The following TRIM49 variants were observed in gnomAD, a reference collection of about 807,000 sequenced individuals.
The protein encoded by TRIM49 is tripartite motif-containing protein 49.
A neutral mutation model predicts 27.4 loss-of-function variants in TRIM49; 5 were observed. The ratio of observed to expected loss-of-function variants is 0.18; its 90% CI spans 0.10 to 0.38. TRIM49 has a LOEUF of 0.38. Among genes scored for constraint, TRIM49 ranks in the 10% least tolerant of loss-of-function variants. TRIM49 has a pLI of 1.00. For synonymous variants in TRIM49, 69 were observed against 166.0 expected (o/e 0.42, Z 4.49); for missense variants, 188 against 487.5 (o/e 0.39, Z 5.79).
At chr11:89,793,951 C>G (rs868356443), downstream of TRIM49, among the ~76,000 whole-genome samples, 2 of 150,380 alleles carry the variant, frequency 1.3e-5, no homozygotes, top group African/African-American at 4.9e-5. Flanking sequence ...TCAAATTGTC[C>G]CTGTTTGCAG....
the TRIM49 span, among the ~76,000 whole-genome samples, chr11:89,772,127 T>C: frequency 2.9e-5 from 4 of 135,820 alleles, 1 homozygote; most frequent in Admixed American, 2.8e-4. Context: ...AAAACCCTTA[T>C]AATGATCCAC....
At chr11:89,777,146 G>C in the TRIM49 span, 18 of 1,550,592 alleles carry the variant, frequency 1.2e-5, 1 homozygote, top group African/African-American at 2.3e-4. Context: ...CCTTCGTGCA[G>C]AAAAACCTCA....
the TRIM49 span, chr11:89,766,760 C>A: frequency 7.1e-7 from 1 of 1,418,172 alleles, no homozygotes; most frequent in East Asian, 2.5e-5. Context: ...AGTGAGGAAA[C>A]ATTGGGGAGG....
In TRIM49 at chr11:89,802,610, T is replaced by C. The variant is rs532662564; in HGVS notation, c.508-678A>G. 6.6e-5 allele frequency among the ~76,000 whole-genome samples: 10 copies of C among 150,622 alleles called. 1 individual carries two copies. The highest frequency in any genetic ancestry group is 6.3e-4 in the South Asian group (3 of 4,756). The stretch of plus-strand genomic sequence containing the variant: ...ACATACATACATACATACATACATA[T>C]ATACACACAACCACACACACATACA... On this transcript the variant is annotated intron_variant, in intron 4 of 7. Transcript: ENST00000329758.
At chr11:89,766,492 G>A in the TRIM49 span, 1 of 475,344 alleles carries the variant, frequency 2.1e-6, no homozygotes, top group Non-Finnish European at 3.5e-6. Context: ...TGACACTAAA[G>A]TAGAAAAAAG....
At chr11:89,796,318 G>A (rs1426325784), downstream of TRIM49, among the ~76,000 whole-genome samples, 1 of 150,080 alleles carries the variant, frequency 6.7e-6, no homozygotes, top group East Asian at 2.0e-4. Flanking sequence ...CTGCAGCCTG[G>A]ACCTTCTGGG....
chr11:89,792,568 C>A, the TRIM49 span, among the ~76,000 whole-genome samples: 1 of 152,128 alleles, frequency 6.6e-6, no homozygotes, highest in Non-Finnish European at 1.5e-5. Context: ...CGCAATCAAA[C>A]TAGAACTCAG....
chr11:89,804,889 G>A (rs1200783457), intron 2 of TRIM49, among the ~76,000 whole-genome samples: 1 of 150,422 alleles, frequency 6.6e-6, no homozygotes, highest in East Asian at 2.0e-4. Flanking sequence ...TGAGAAGATG[G>A]CCAAAGAAAT....
the TRIM49 span, among the ~76,000 whole-genome samples, chr11:89,775,880 A>G: frequency 1.3e-5 from 2 of 150,438 alleles, no homozygotes; most frequent in Non-Finnish European, 2.9e-5. Flanking sequence ...GTCTGAGCAA[A>G]CTTCACAGGT....
chr11:89,777,307 C>G, the TRIM49 span: 1 of 1,545,346 alleles, frequency 6.5e-7, no homozygotes, highest in Non-Finnish European at 8.7e-7. Context: ...CAAGAGATTG[C>G]TCTGTGGGCC....
At chr11:89,802,601 AC>A (rs1949747160) in intron 4 of TRIM49, among the ~76,000 whole-genome samples, 1 of 151,016 alleles carries the variant, frequency 6.6e-6, no homozygotes, top group Admixed American at 6.6e-5. Flanking sequence ...ATACATACAT[AC>A]ATACATATAT....
chr11:89,801,120 T>C (rs1427968954), intron 5 of TRIM49, 132 bp from the exon 6 acceptor site: 18 of 1,507,752 alleles, frequency 1.2e-5, no homozygotes, highest in Admixed American at 8.3e-5. Context: ...GAAAGTATTT[T>C]CTGTTTCTTC....
the TRIM49 span, among the ~76,000 whole-genome samples, chr11:89,769,763 CCTGGGTTAAG>C: frequency 8.9e-6 from 1 of 112,076 alleles, no homozygotes. Context: ...CAGGAGTTTT[CCTGGGTTAAG>C]CCATCCAGGG....
chr11:89,793,683 GC>G (rs1235692628), downstream of TRIM49, among the ~76,000 whole-genome samples: 2 of 151,944 alleles, frequency 1.3e-5, no homozygotes, highest in Non-Finnish European at 2.9e-5. Context: ...AAATTCAACA[GC>G]CCCTCATGCT....
Position 89,804,079 on chromosome 11 carries a change from A to C in TRIM49, c.391T>G (p.Trp131Gly), listed in dbSNP as rs1949763007. ...HRYHRHRPIE[W>G]AAEEHREKLL... ...CTTACCCGGTGTTCCTCAGCAGCCC[A>C]CTCAATGGGACGGTGTCTGTGATAC... is the stretch of plus-strand genomic sequence containing the variant. Residue 131 changes from tryptophan to glycine, a missense_variant, in exon 3 of 8, where the codon TGG becomes GGG. Around this residue, in one of 6 missense-constraint regions of TRIM49, gnomAD observed 21 missense variants for 71.4 expected, o/e 0.29. Transcript: ENST00000329758. The C allele has an allele frequency of 1.9e-6, 3 of 1,608,272 alleles. No homozygotes were observed. The highest frequency in any genetic ancestry group is 2.5e-6 in the Non-Finnish European group (3 of 1,178,024).
At chr11:89,775,583 TG>T in the TRIM49 span, among the ~76,000 whole-genome samples, 3 of 131,040 alleles carry the variant, frequency 2.3e-5, 1 homozygote, top group East Asian at 4.8e-4. Flanking sequence ...TCACTTTTTT[TG>T]TTGTTATTTT....
intron 2 of TRIM49, among the ~76,000 whole-genome samples, chr11:89,805,387 CAT>C (rs1183822879): frequency 2.0e-5 from 3 of 149,882 alleles, no homozygotes; most frequent in East Asian, 2.0e-4. Flanking sequence ...AGGAGAGAGA[CAT>C]GTGAGCTGGT....
chr11:89,770,736 A>G, the TRIM49 span, among the ~76,000 whole-genome samples: 6 of 141,600 alleles, frequency 4.2e-5, no homozygotes, highest in South Asian at 8.8e-4. Flanking sequence ...CGTGGTGGCG[A>G]GCGCCTGTAG....
the TRIM49 span, among the ~76,000 whole-genome samples, chr11:89,775,690 T>C: frequency 5.2e-5 from 7 of 134,126 alleles, 2 homozygotes; most frequent in African/African-American, 6.8e-5. Flanking sequence ...ATCATCTGAA[T>C]TGGCAATGGG....
Sources: gnomAD v4.1 joint callset for allele counts (sites outside exome capture counted in the v4.1 genomes callset) on GRCh38, gnomAD v4.1.1 for gene constraint, gnomAD v4.1.1 regional missense constraint, MANE v1.5 for transcripts, NCBI Gene and HGNC (gene_info 2026-07-23, HGNC 2026-07-21) for gene names.